The following ILKAP variants were observed in gnomAD, a reference collection of about 807,000 sequenced individuals.
ILKAP encodes ILK associated serine/threonine phosphatase, also known as integrin-linked kinase-associated serine/threonine phosphatase 2C.
In ILKAP, 11 loss-of-function variants were observed where a neutral mutation model predicts 49.1. That is an observed-to-expected ratio of 0.22 (90% CI 0.14 to 0.37). The LOEUF is 0.37. ILKAP is among the 10% of genes least tolerant of loss of function. The pLI is 1.00. For missense variants in ILKAP, 363 were observed against 510.8 expected, an observed-to-expected ratio of 0.71 and a Z score of 2.79; for synonymous variants, 186 against 192.8, an observed-to-expected ratio of 0.96 and a Z score of 0.29.
At chr2:238,189,581 A>C (rs1694039379) in intron 4 of ILKAP, 2 of 247,646 alleles carry the variant, frequency 8.1e-6, no homozygotes, top group Non-Finnish European at 1.6e-5. Flanking sequence ...TTCACTGCAG[A>C]AGGCTAAGAA....
rs558486030 is a variant in ILKAP at position 238,187,469 on chromosome 2, G to A, written c.425+662C>T. ...TAACCTATGTAATATGTACTATAAT[G>A]TATGTTTACAGCCAACTTAATGTCC... On this transcript the variant is annotated intron_variant, in intron 5 of 11. Transcript: ENST00000254654. Among the ~76,000 whole-genome samples the A allele has an allele frequency of 3.9e-5, 3 of 77,752 alleles. No homozygotes were observed. The South Asian group carries it at 1.4e-3, about 37-fold the overall frequency. The allele number at this position is 77,752 out of a possible 152,430, so 51.0% of individuals were successfully genotyped here. A position where few individuals can be genotyped will look rare whatever the true frequency, so the allele number is the denominator to read the frequency against.
At chr2:238,184,253 G>A (rs1035083636) in intron 6 of ILKAP, 140 bp from the exon 7 acceptor site, 10 of 606,780 alleles carry the variant, frequency 1.6e-5, no homozygotes, top group Admixed American at 2.7e-5. Flanking sequence ...GCAGTGGCGC[G>A]ATCTCAGCTC....
chr2:238,170,747 C>A, intron 11 of ILKAP, 71 bp from the exon 12 acceptor site: 1 of 1,594,190 alleles, frequency 6.3e-7, no homozygotes, highest in Non-Finnish European at 8.6e-7. Context: ...GACATGACTG[C>A]CAGGAAGAAG....
chr2:238,176,583 C>T (rs1301818326), intron 9 of ILKAP, among the ~76,000 whole-genome samples: 2 of 152,246 alleles, frequency 1.3e-5, no homozygotes, highest in African/African-American at 2.4e-5. Context: ...AACCAGAAAA[C>T]TGTTTTCCTA....
intron 5 of ILKAP, 131 bp from the exon 6 acceptor site, chr2:238,185,418 G>C (rs1349411344): frequency 8.4e-6 from 5 of 591,938 alleles, no homozygotes; most frequent in Admixed American, 3.1e-5. Flanking sequence ...TAAGACACCA[G>C]TCACACTGTT....
chr2:238,202,005 A>T (rs1353315561), intron 1 of ILKAP, among the ~76,000 whole-genome samples: 4 of 152,118 alleles, frequency 2.6e-5, no homozygotes, highest in African/African-American at 7.2e-5. Context: ...CGGGCGGATC[A>T]CCTGAGGTCA....
At chr2:238,183,599 CTT>C (rs1203390030) in intron 8 of ILKAP, 52 bp downstream of exon 8, 20 of 1,272,102 alleles carry the variant, frequency 1.6e-5, no homozygotes, top group Non-Finnish European at 2.2e-5. Context: ...GTGCTAAAGT[CTT>C]TTCCCCATAA....
chr2:238,186,742 A>G (rs1433376154), intron 5 of ILKAP: 1 of 151,678 alleles, frequency 6.6e-6, no homozygotes, highest in Non-Finnish European at 1.5e-5. Context: ...ACGAGAAATG[A>G]CATTTATTCT....
chr2:238,174,196 G>A (rs1303210672), intron 9 of ILKAP, among the ~76,000 whole-genome samples: 1 of 152,240 alleles, frequency 6.6e-6, no homozygotes, highest in Non-Finnish European at 1.5e-5. Flanking sequence ...TAATGTAAAT[G>A]ACAGTATCCT....
At chr2:238,182,015 T>C (rs1404744091) in intron 9 of ILKAP, 50 bp downstream of exon 9, 9 of 1,606,292 alleles carry the variant, frequency 5.6e-6, no homozygotes, top group Middle Eastern at 1.7e-4. Context: ...GGGACCCTTC[T>C]ACAGCTAACA....
At chr2:238,182,910 A>T (rs1332771690) in intron 8 of ILKAP, among the ~76,000 whole-genome samples, 3 of 152,180 alleles carry the variant, frequency 2.0e-5, no homozygotes, top group African/African-American at 7.2e-5. Flanking sequence ...CCTAGCACTT[A>T]GTATTTGATG....
intron 1 of ILKAP, among the ~76,000 whole-genome samples, chr2:238,196,029 G>A (rs1420171650): frequency 2.8e-5 from 3 of 108,386 alleles, no homozygotes; most frequent in Non-Finnish European, 5.2e-5. Context: ...AGGCAACACA[G>A]TGAGACTCTG....
Position 238,170,504 on chromosome 2 carries a change from T to C in ILKAP, c.*32A>G. 1 of 1,570,022 alleles carries C rather than the reference T, an allele frequency of 6.4e-7. No individual in the cohort carries two copies. Among genetic ancestry groups the C allele is most frequent in the Non-Finnish European group, 8.7e-7 (1 of 1,152,024 alleles). ...ACACAAAATGAACCTTTTAAGTCAA[T>C]ACCATGCGTGCTCCTGGCCGCGCGC... On this transcript the variant is annotated 3_prime_UTR_variant, in exon 12 of 12. Coordinates refer to ENST00000254654, the MANE Select transcript of ILKAP (RefSeq NM_030768.3).
chr2:238,193,687 A>C (rs1215142716), intron 3 of ILKAP, among the ~76,000 whole-genome samples: 1 of 152,164 alleles, frequency 6.6e-6, no homozygotes, highest in Non-Finnish European at 1.5e-5. Context: ...AAATATAGAA[A>C]ATATACCTGC....
chr2:238,199,402 T>C (rs941104785), intron 1 of ILKAP, among the ~76,000 whole-genome samples: 2 of 152,250 alleles, frequency 1.3e-5, no homozygotes, highest in South Asian at 2.1e-4. Context: ...AAAGTCTACT[T>C]CGCTACACAT....
chr2:238,194,612 A>G (rs1694270775), intron 2 of ILKAP, 193 bp downstream of exon 2: 1 of 622,638 alleles, frequency 1.6e-6, no homozygotes, highest in Non-Finnish European at 2.8e-6. Context: ...ATTTCCTCGC[A>G]GTACTTCTCA....
chr2:238,182,209 A>T, intron 8 of ILKAP, 23 bp from the exon 9 acceptor site: 1 of 1,612,326 alleles, frequency 6.2e-7, no homozygotes, highest in Non-Finnish European at 8.5e-7. Flanking sequence ...AGATTGTAAT[A>T]GTCATGAAAT....
chr2:238,186,266 T>C (rs1303343186), intron 5 of ILKAP: 1 of 152,266 alleles, frequency 6.6e-6, no homozygotes, highest in East Asian at 1.9e-4. Context: ...CTAAATACCA[T>C]AGGCAGTTGT....
rs1380943934 is a variant in ILKAP at position 238,203,575 on chromosome 2, G to A, written c.-22C>T. On this transcript the variant is annotated 5_prime_UTR_variant, in exon 1 of 12. Transcript: ENST00000254654. ...CCATGGCGGAGGCTGGGTGGAGGCG[G>A]CAGCAGCGACAGACACTCAGCCCGC... is the stretch of plus-strand genomic sequence containing the variant. The A allele has an allele frequency of 1.7e-6, 2 of 1,149,846 alleles. No homozygotes were observed. The highest frequency in any genetic ancestry group is 2.1e-6 in the Non-Finnish European group (2 of 932,948). The allele number at this position is 1,149,846 out of a possible 1,614,324, so 71.2% of individuals were successfully genotyped here.
Sources: gnomAD v4.1 joint callset for allele counts (sites outside exome capture counted in the v4.1 genomes callset) on GRCh38, gnomAD v4.1.1 for gene constraint, MANE v1.5 for transcripts, NCBI Gene and HGNC (gene_info 2026-07-23, HGNC 2026-07-21) for gene names.